DACH2: variants seen among roughly 807,000 people sequenced by gnomAD.
The protein encoded by DACH2 is dachshund family transcription factor 2.
A neutral mutation model predicts 35.8 loss-of-function variants in DACH2; 17 were observed. The observed-to-expected ratio is 0.48, with a 90% CI of 0.33 to 0.71. The LOEUF (loss-of-function observed/expected upper bound fraction) is 0.71. DACH2 is among the 30% of genes least tolerant of loss of function. The pLI is 0.02. For synonymous variants in DACH2, 195 were observed against 177.3 expected, an observed-to-expected ratio of 1.10 and a Z score of -0.79; for missense variants, 469 against 472.7, an observed-to-expected ratio of 0.99 and a Z score of 0.07.
intron 2 of DACH2, among the ~76,000 whole-genome samples, chrX:86,443,029 T>C (rs1296291440): frequency 1.8e-5 from 2 of 112,118 alleles, no homozygotes; most frequent in African/African-American, 6.5e-5. Flanking sequence ...GCTTTTCTTT[T>C]TTTGCTCAAG....
At chrX:86,190,353 A>T (rs2031795148) in intron 1 of DACH2, among the ~76,000 whole-genome samples, 1 of 110,764 alleles carries the variant, frequency 9.0e-6, no homozygotes, top group Admixed American at 9.6e-5. Flanking sequence ...CCTGCTTTTC[A>T]TCTGTCGCAT....
At chrX:86,475,182 A>T (rs2037823201) in intron 2 of DACH2, among the ~76,000 whole-genome samples, 1 of 111,519 alleles carries the variant, frequency 9.0e-6, no homozygotes, top group Non-Finnish European at 1.9e-5. Context: ...GTACCATATA[A>T]GTTTTAGAAT....
intron 2 of DACH2, among the ~76,000 whole-genome samples, chrX:86,477,956 G>A (rs2037874215): frequency 1.8e-5 from 2 of 111,223 alleles, no homozygotes; most frequent in Non-Finnish European, 3.8e-5. Flanking sequence ...ACAAAAAAAA[G>A]GAACAAACAG....
At chrX:86,333,857 A>G (rs895611493) in intron 1 of DACH2, among the ~76,000 whole-genome samples, 1 of 111,258 alleles carries the variant, frequency 9.0e-6, no homozygotes, top group African/African-American at 3.3e-5. Flanking sequence ...TGCTGCAACC[A>G]TCAACCCATC....
At chrX:86,755,659 G>A (rs1428492567) in intron 7 of DACH2, among the ~76,000 whole-genome samples, 1 of 98,437 alleles carries the variant, frequency 1.0e-5, no homozygotes, top group Admixed American at 1.1e-4. Flanking sequence ...GTGCAGTGAC[G>A]TGATCTCGGC....
intron 2 of DACH2, among the ~76,000 whole-genome samples, chrX:86,450,399 GT>G (rs1052712240): frequency 4.5e-5 from 5 of 110,080 alleles, no homozygotes; most frequent in Admixed American, 9.7e-5. Flanking sequence ...AAAAGGACAT[GT>G]TTTTTTTCTT....
At chrX:86,500,432 T>C (rs1348496045) in intron 2 of DACH2, among the ~76,000 whole-genome samples, 1 of 111,770 alleles carries the variant, frequency 8.9e-6, no homozygotes, top group African/African-American at 3.3e-5. Context: ...CATACTTCCC[T>C]AAGGAACATC....
At chrX:86,795,276 C>G (rs2042224416) in intron 7 of DACH2, among the ~76,000 whole-genome samples, 1 of 105,457 alleles carries the variant, frequency 9.5e-6, no homozygotes, top group South Asian at 4.5e-4. Context: ...CTCTGTCACC[C>G]AGGCTGGAGT....
chrX:86,215,296 A>G (rs1011864593), intron 1 of DACH2, among the ~76,000 whole-genome samples: 2 of 111,398 alleles, frequency 1.8e-5, no homozygotes, highest in Non-Finnish European at 3.8e-5. Context: ...GAATGGCTGA[A>G]GTTTCTTTGG....
At chrX:86,784,723 G>A (rs930960703) in intron 7 of DACH2, among the ~76,000 whole-genome samples, 3 of 111,639 alleles carry the variant, frequency 2.7e-5, no homozygotes, top group African/African-American at 6.5e-5. Context: ...ACATGGAATC[G>A]ACAGAAATGC....
intron 5 of DACH2, among the ~76,000 whole-genome samples, chrX:86,702,954 G>T (rs980975181): frequency 4.5e-5 from 5 of 110,509 alleles, no homozygotes; most frequent in African/African-American, 1.6e-4. Context: ...AGCAAGAAAG[G>T]CACATAACCA....
chrX:86,753,834 G>A (rs2041799721), intron 7 of DACH2, among the ~76,000 whole-genome samples: 2 of 110,133 alleles, frequency 1.8e-5, no homozygotes, highest in Non-Finnish European at 3.8e-5. Context: ...ATTAATGGGA[G>A]TCTCAAATTC....
chrX:86,458,310 GA>G, intron 2 of DACH2, among the ~76,000 whole-genome samples: 1 of 111,898 alleles, frequency 8.9e-6, no homozygotes, highest in Non-Finnish European at 1.9e-5. Context: ...TGACATTCAT[GA>G]TAGGAATTGT....
intron 7 of DACH2, among the ~76,000 whole-genome samples, chrX:86,741,027 C>T (rs1433217817): frequency 9.0e-6 from 1 of 111,678 alleles, no homozygotes; most frequent in Non-Finnish European, 1.9e-5. Context: ...CCTACACAGT[C>T]CAATTTCCTA....
chrX:86,346,242 C>T (rs5967723), intron 1 of DACH2, among the ~76,000 whole-genome samples: 13,345 of 109,957 alleles, frequency 0.12, 814 homozygotes, highest in Non-Finnish European at 0.18. Flanking sequence ...TACCATTTCT[C>T]GGACTCTGCA....
intron 3 of DACH2, among the ~76,000 whole-genome samples, chrX:86,553,596 T>C (rs773899851): frequency 8.9e-6 from 1 of 112,103 alleles, no homozygotes; most frequent in South Asian, 3.7e-4. Flanking sequence ...ATATTAACCA[T>C]CATACAGAGA....
At chrX:86,219,607 A>G (rs1463950204) in intron 1 of DACH2, among the ~76,000 whole-genome samples, 1 of 111,603 alleles carries the variant, frequency 9.0e-6, no homozygotes, top group African/African-American at 3.3e-5. Flanking sequence ...AACGTAATAA[A>G]TCTGTGCATA....
At chrX:86,497,949 G>A (rs1435698233) in intron 2 of DACH2, among the ~76,000 whole-genome samples, 7 of 111,180 alleles carry the variant, frequency 6.3e-5, no homozygotes, top group Admixed American at 9.6e-5. Flanking sequence ...AGCTGAGATC[G>A]TGCCACTGCA....
In DACH2 at chrX:86,205,432, TCCTCCCTCCCTCCCTC is replaced by T. The variant is rs1249351925; in HGVS notation, c.488+56346_488+56361del. ...TCCTTTCCTTCCTTCCTTCCCTCCCTCCTCCCTCCCTCCCTCCCTCCCTCCCTCCCTCCCTCCTTCC... is the reference window on the plus strand; with the variant it reads ...TCCTTTCCTTCCTTCCTTCCCTCCCTCCTCCCTCCCTCCCTCCCTCCTTCC... On this transcript the variant is annotated intron_variant, in intron 1 of 11. Transcript: ENST00000373125. Among the ~76,000 whole-genome samples the T allele has an allele frequency of 3.2e-4, 5 of 15,818 alleles. No homozygotes were observed. The East Asian group carries it at 4.8e-3, about 15-fold the overall frequency. The allele number at this position is 15,818 out of a possible 115,157, so 13.7% of individuals were successfully genotyped here.
Sources: gnomAD v4.1 joint callset for allele counts (sites outside exome capture counted in the v4.1 genomes callset) on GRCh38, gnomAD v4.1.1 for gene constraint, MANE v1.5 for transcripts, NCBI Gene and HGNC (gene_info 2026-07-23, HGNC 2026-07-21) for gene names.